KCTD16: variants seen among roughly 807,000 people sequenced by gnomAD.
The protein encoded by KCTD16 is potassium channel tetramerization domain containing 16.
Under a neutral mutation model 33.2 loss-of-function variants are expected in KCTD16, and 13 were observed. The observed-to-expected ratio is 0.39, with a 90% CI of 0.25 to 0.62. KCTD16 has a LOEUF of 0.62. Among genes scored for constraint, KCTD16 ranks in the 20% least tolerant of loss-of-function variants. KCTD16 has a pLI of 0.50. For synonymous variants in KCTD16, 197 were observed against 195.3 expected (o/e 1.01, Z -0.07); for missense variants, 441 against 525.1 (o/e 0.84, Z 1.57).
At chr5:144,326,724 A>G (rs1020255173) in intron 3 of KCTD16, among the ~76,000 whole-genome samples, 7 of 149,520 alleles carry the variant, frequency 4.7e-5, no homozygotes, top group African/African-American at 1.8e-4. Flanking sequence ...AGAAAAAAAG[A>G]AAGAAAGAAA....
At chr5:144,210,365 G>C (rs936374607) in intron 3 of KCTD16, among the ~76,000 whole-genome samples, 3 of 152,124 alleles carry the variant, frequency 2.0e-5, no homozygotes, top group Admixed American at 6.5e-5. Context: ...CAGGTGAAAT[G>C]CTATGGATTA....
intron 3 of KCTD16, among the ~76,000 whole-genome samples, chr5:144,213,399 CTCTT>C (rs986264585): frequency 2.6e-5 from 4 of 151,074 alleles, no homozygotes; most frequent in Non-Finnish European, 5.9e-5. Flanking sequence ...TTCTTTCTCT[CTCTT>C]TCTTTTTTTC....
At chr5:144,366,783 T>C (rs572106986) in intron 3 of KCTD16, among the ~76,000 whole-genome samples, 10 of 152,286 alleles carry the variant, frequency 6.6e-5, no homozygotes, top group African/African-American at 2.2e-4. Context: ...CCTCAAAGGC[T>C]ACTCAACAAA....
At chr5:144,417,387 T>G (rs1753083297) in intron 3 of KCTD16, among the ~76,000 whole-genome samples, 1 of 152,164 alleles carries the variant, frequency 6.6e-6, no homozygotes, top group Non-Finnish European at 1.5e-5. Context: ...CAGGCATCTT[T>G]TTATGTGTTT....
At chr5:144,322,642 C>T (rs1031411323) in intron 3 of KCTD16, among the ~76,000 whole-genome samples, 12 of 151,514 alleles carry the variant, frequency 7.9e-5, no homozygotes, top group African/African-American at 2.9e-4. Context: ...TTTTAAACCA[C>T]TATGCAATCA....
At chr5:144,253,232 A>G (rs554940521) in intron 3 of KCTD16, among the ~76,000 whole-genome samples, 2 of 152,170 alleles carry the variant, frequency 1.3e-5, no homozygotes, top group Non-Finnish European at 2.9e-5. Flanking sequence ...TTACATATTT[A>G]TATAGTGCAT....
chr5:144,267,182 T>C (rs1755168320), intron 3 of KCTD16, among the ~76,000 whole-genome samples: 1 of 152,190 alleles, frequency 6.6e-6, no homozygotes. Flanking sequence ...ATGAATAAGA[T>C]TGGCTAAGTG....
intron 3 of KCTD16, among the ~76,000 whole-genome samples, chr5:144,465,885 C>T (rs1754320107): frequency 6.7e-6 from 1 of 150,168 alleles, no homozygotes; most frequent in African/African-American, 2.5e-5. Context: ...GTCACCCAGG[C>T]TGGAGTGCAA....
At chr5:144,321,939 CATTT>C (rs1009140478) in intron 3 of KCTD16, among the ~76,000 whole-genome samples, 4 of 151,846 alleles carry the variant, frequency 2.6e-5, no homozygotes, top group African/African-American at 9.7e-5. Flanking sequence ...GTAAAAATTG[CATTT>C]ATTTATTTTT....
intron 3 of KCTD16, among the ~76,000 whole-genome samples, chr5:144,288,475 A>G (rs1253573878): frequency 6.6e-6 from 1 of 152,112 alleles, no homozygotes; most frequent in Non-Finnish European, 1.5e-5. Context: ...GCTATCACCA[A>G]TGGCATCACC....
Position 144,388,065 on chromosome 5 carries a change from G to GTTTTTTTTTTTT in KCTD16, c.833-85576_833-85565dup, listed in dbSNP as rs397999492. On this transcript the variant is annotated intron_variant, in intron 3 of 3. Transcript: ENST00000512467. ...AATCCAGAGTTCAATTTTAGAGCAA[G>GTTTTTTTTTTTT]TTTTTTTTTTTTTTTTTTTTTTTTT... Among the ~76,000 whole-genome samples, 21 of 73,658 alleles carry GTTTTTTTTTTTT rather than the reference G, an allele frequency of 2.9e-4. 5 individuals are homozygous for GTTTTTTTTTTTT. Among genetic ancestry groups the GTTTTTTTTTTTT allele is most frequent in the African/African-American group, 1.2e-3 (19 of 16,098 alleles). 48.3% of individuals were successfully genotyped at this position (73,658 alleles called of 152,430 possible).
At chr5:144,401,028 G>A (rs1480836376) in intron 3 of KCTD16, among the ~76,000 whole-genome samples, 3 of 151,144 alleles carry the variant, frequency 2.0e-5, no homozygotes, top group Non-Finnish European at 4.4e-5. Context: ...AAGGTAGGCA[G>A]GGACATATCA....
chr5:144,408,628 G>A (rs1466485456), intron 3 of KCTD16, among the ~76,000 whole-genome samples: 2 of 152,160 alleles, frequency 1.3e-5, no homozygotes, highest in East Asian at 1.9e-4. Context: ...TGTCTTGAAG[G>A]TAGAGGTATA....
At chr5:144,314,259 T>A (rs189613721) in intron 3 of KCTD16, among the ~76,000 whole-genome samples, 260 of 152,306 alleles carry the variant, frequency 1.7e-3, no homozygotes, top group Admixed American at 5.4e-3. Context: ...GTTCTTTTTT[T>A]AATTTTTATT....
At chr5:144,388,812 T>G (rs1752388331) in intron 3 of KCTD16, among the ~76,000 whole-genome samples, 1 of 152,168 alleles carries the variant, frequency 6.6e-6, no homozygotes, top group Non-Finnish European at 1.5e-5. Context: ...GACACACTAC[T>G]CGAGACACAG....
chr5:144,188,290 G>A (rs542009980), intron 2 of KCTD16, among the ~76,000 whole-genome samples: 4 of 152,108 alleles, frequency 2.6e-5, no homozygotes, highest in Non-Finnish European at 5.9e-5. Flanking sequence ...CAGATTTACT[G>A]TTATTTAGCA....
intron 3 of KCTD16, among the ~76,000 whole-genome samples, chr5:144,376,164 C>T (rs961436568): frequency 2.0e-5 from 3 of 151,970 alleles, no homozygotes; most frequent in African/African-American, 7.2e-5. Context: ...TCTTATTATA[C>T]ATCCTTTTTC....
chr5:144,241,878 C>T (rs190465054), intron 3 of KCTD16, among the ~76,000 whole-genome samples: 2 of 152,232 alleles, frequency 1.3e-5, no homozygotes, highest in South Asian at 2.1e-4. Flanking sequence ...AAAAGAATCT[C>T]ATTTCAATAT....
At chr5:144,232,225 C>G (rs1254361600) in intron 3 of KCTD16, among the ~76,000 whole-genome samples, 1 of 152,188 alleles carries the variant, frequency 6.6e-6, no homozygotes, top group African/African-American at 2.4e-5. Context: ...AAAGGATAGA[C>G]TATTTTTCCC....
Sources: allele counts gnomAD v4.1 joint callset (sites outside exome capture counted in the v4.1 genomes callset), GRCh38; gene constraint gnomAD v4.1.1; transcripts MANE v1.5; gene names NCBI Gene and HGNC (gene_info 2026-07-23, HGNC 2026-07-21).